The following ATF7 variants were observed in gnomAD, a reference collection of about 807,000 sequenced individuals.
ATF7 encodes cyclic AMP-dependent transcription factor ATF-7.
A neutral mutation model predicts 50.4 loss-of-function variants in ATF7; 10 were observed. The ratio of observed to expected loss-of-function variants is 0.20; its 90% CI spans 0.12 to 0.34. The LOEUF is 0.34. ATF7 is among the 10% of genes least tolerant of loss of function. The probability of loss-of-function intolerance (pLI) is 1.00; values close to 1 mark genes in which losing one functional copy is unlikely to be tolerated. For synonymous variants in ATF7, 201 were observed against 226.4 expected, an observed-to-expected ratio of 0.89 and a Z score of 1.01; for missense variants, 465 against 613.9, an observed-to-expected ratio of 0.76 and a Z score of 2.56.
At chr12:53,569,753 C>T (rs1055919265) in intron 2 of ATF7, among the ~76,000 whole-genome samples, 1 of 151,944 alleles carries the variant, frequency 6.6e-6, no homozygotes, top group African/African-American at 2.4e-5. Flanking sequence ...CAGCTTACTG[C>T]AACCTACCTC....
At chr12:53,591,947 T>C (rs934543537) in intron 2 of ATF7, among the ~76,000 whole-genome samples, 3 of 152,162 alleles carry the variant, frequency 2.0e-5, no homozygotes, top group Non-Finnish European at 2.9e-5. Flanking sequence ...GGAACAACTC[T>C]TTCCTTTCAA....
At chr12:53,536,033 A>C (rs6580951) in intron 5 of ATF7, among the ~76,000 whole-genome samples, 83,234 of 151,606 alleles carry the variant, frequency 0.55, 23,621 homozygotes, top group East Asian at 0.96. Flanking sequence ...AAAAAAAAAA[A>C]AAGATGACTT....
At position 53,577,350 on chromosome 12, in the gene ATF7, T is replaced by C. The variant is rs935229393; in HGVS notation, c.48+23603A>G. On this transcript the variant is annotated intron_variant, in intron 2 of 11. Transcript: ENST00000420353. ...AAGAAAAGAAGAACTAAAAAAAAAA[T>C]AACAACAACAAAATATCCAAGAACT... 3.3e-5 allele frequency among the ~76,000 whole-genome samples: 5 copies of C among 151,106 alleles called. No homozygotes were observed. The East Asian group carries it at 9.7e-4, about 29-fold the overall frequency.
intron 1 of ATF7, among the ~76,000 whole-genome samples, chr12:53,612,155 T>C (rs540135508): frequency 2.0e-3 from 311 of 152,150 alleles, no homozygotes; most frequent in Middle Eastern, 0.01. Context: ...TTTGTATTTT[T>C]AGTAGAGACG....
At chr12:53,609,084 A>G (rs1276047672) in intron 1 of ATF7, among the ~76,000 whole-genome samples, 1 of 152,052 alleles carries the variant, frequency 6.6e-6, no homozygotes, top group Admixed American at 6.6e-5. Flanking sequence ...GTCAGAGGAC[A>G]GCTTGAGGTC....
At chr12:53,560,396 C>T (rs1197243609) in intron 2 of ATF7, among the ~76,000 whole-genome samples, 2 of 151,936 alleles carry the variant, frequency 1.3e-5, no homozygotes, top group South Asian at 2.1e-4. Flanking sequence ...TGAACAGACC[C>T]GAAAAGAAGG....
chr12:53,549,004 C>T (rs768517721), intron 3 of ATF7, among the ~76,000 whole-genome samples: 13 of 151,562 alleles, frequency 8.6e-5, no homozygotes, highest in South Asian at 4.2e-4. Context: ...CCCCCCAAAA[C>T]GGCCGGGCAC....
chr12:53,584,201 C>T (rs961075177), intron 2 of ATF7, among the ~76,000 whole-genome samples: 1 of 152,120 alleles, frequency 6.6e-6, no homozygotes. Context: ...AGGCTCTTCT[C>T]GAACTCCTGA....
At chr12:53,551,761 A>G (rs4759018) in intron 3 of ATF7, among the ~76,000 whole-genome samples, 66,439 of 152,006 alleles carry the variant, frequency 0.44, 14,785 homozygotes, top group East Asian at 0.74. Flanking sequence ...TAATGTAATA[A>G]CCACCAACTA....
intron 2 of ATF7, among the ~76,000 whole-genome samples, chr12:53,579,166 C>T (rs1307314915): frequency 6.6e-6 from 1 of 152,038 alleles, no homozygotes; most frequent in Non-Finnish European, 1.5e-5. Context: ...ATCACTTGAA[C>T]CTGGGAGGCA....
chr12:53,612,729 C>T (rs2137893492), intron 1 of ATF7, among the ~76,000 whole-genome samples: 1 of 152,226 alleles, frequency 6.6e-6, no homozygotes, highest in South Asian at 2.1e-4. Context: ...GCTGGCTGGG[C>T]GCAGTAGCTC....
intron 2 of ATF7, among the ~76,000 whole-genome samples, chr12:53,564,193 G>A (rs1941312721): frequency 1.3e-5 from 2 of 152,138 alleles, no homozygotes; most frequent in Non-Finnish European, 2.9e-5. Flanking sequence ...TGGCCAACAT[G>A]GCAAAACCCT....
intron 2 of ATF7, among the ~76,000 whole-genome samples, chr12:53,569,475 T>A (rs1298544128): frequency 6.6e-6 from 1 of 152,238 alleles, no homozygotes; most frequent in Non-Finnish European, 1.5e-5. Context: ...CATCATTTCC[T>A]CCAGGAAGCC....
chr12:53,524,898 A>G lies in ATF7; in HGVS notation c.928-137T>C, dbSNP rs1938354896. 2 of 824,242 alleles carry G rather than the reference A, an allele frequency of 2.4e-6. No individual in the cohort carries two copies. The highest frequency in any genetic ancestry group is 1.7e-5 in the African/African-American group (1 of 57,200). 51.1% of individuals were successfully genotyped at this position (824,242 alleles called of 1,614,324 possible). ...GGTAACCACAGCAAGTCTCATTACT[A>G]TGTCCCCAAGCTTCCCTTTTGTAGG... On this transcript the variant is annotated intron_variant, in intron 9 of 11. Coordinates refer to ENST00000420353, the MANE Select transcript of ATF7 (RefSeq NM_006856.3). This position sits in a 1 kb window ranked among gnomAD's most constrained non-coding sequence, Gnocchi z 4.6.
At chr12:53,620,575 C>CAAAAA (rs34516346) in intron 1 of ATF7, among the ~76,000 whole-genome samples, 3 of 75,772 alleles carry the variant, frequency 4.0e-5, no homozygotes, top group African/African-American at 1.1e-4. Context: ...GACTCCGTCT[C>CAAAAA]AAAAAAAAAA....
intron 1 of ATF7, among the ~76,000 whole-genome samples, chr12:53,618,368 GA>G (rs771570241): frequency 3.6e-4 from 55 of 152,156 alleles, no homozygotes; most frequent in Non-Finnish European, 6.3e-4. Flanking sequence ...GGTATCAAAA[GA>G]AAATGCATTG....
intron 2 of ATF7, among the ~76,000 whole-genome samples, chr12:53,553,804 A>T (rs1242133061): frequency 6.6e-6 from 1 of 152,136 alleles, no homozygotes; most frequent in Non-Finnish European, 1.5e-5. Flanking sequence ...TTTCTTCATC[A>T]CGTGTATACT....
At chr12:53,616,458 G>T (rs577210908) in intron 1 of ATF7, among the ~76,000 whole-genome samples, 17 of 151,938 alleles carry the variant, frequency 1.1e-4, no homozygotes, top group African/African-American at 3.9e-4. Flanking sequence ...CCAAGCTCAA[G>T]CAATCTGCCC....
At chr12:53,619,486 CAAAAAA>C (rs112474373) in intron 1 of ATF7, among the ~76,000 whole-genome samples, 3 of 64,050 alleles carry the variant, frequency 4.7e-5, no homozygotes, top group Non-Finnish European at 6.3e-5. Flanking sequence ...GACTCCGTGT[CAAAAAA>C]AAAAAAAAAA....
Sources: allele counts gnomAD v4.1 joint callset (sites outside exome capture counted in the v4.1 genomes callset), GRCh38; gene constraint gnomAD v4.1.1; non-coding constraint Gnocchi (gnomAD v3.1); transcripts MANE v1.5; gene names NCBI Gene and HGNC (gene_info 2026-07-23, HGNC 2026-07-21).